Variants in NRXN1 observed in about 807,000 individuals in gnomAD.
The protein encoded by NRXN1 is neurexin-1.
NRXN1 carries 39 observed loss-of-function variants against 150.9 expected under a neutral mutation model. The ratio of observed to expected loss-of-function variants is 0.26; its 90% CI spans 0.20 to 0.34. NRXN1 has a LOEUF of 0.34. Among genes scored for constraint, NRXN1 ranks in the 10% least tolerant of loss-of-function variants. The pLI is 1.00. For synonymous variants in NRXN1, 924 were observed against 757.0 expected, an observed-to-expected ratio of 1.22 and a Z score of -3.62; for missense variants, 1,815 against 1,949.9, an observed-to-expected ratio of 0.93 and a Z score of 1.30.
chr2:50,248,622 C>T (rs1448294524), intron 17 of NRXN1, among the ~76,000 whole-genome samples: 1 of 152,140 alleles, frequency 6.6e-6, no homozygotes, highest in Non-Finnish European at 1.5e-5. Flanking sequence ...AGACAGACAA[C>T]TTATTCATTC....
intron 5 of NRXN1, among the ~76,000 whole-genome samples, chr2:50,810,948 C>A (rs764707684): frequency 4.6e-5 from 7 of 151,700 alleles, no homozygotes; most frequent in Non-Finnish European, 1.0e-4. Context: ...CCACTGCACT[C>A]CAGCCTGGTG....
chr2:50,472,249 G>C (rs773460657), intron 16 of NRXN1, 49 bp downstream of exon 16: 1 of 1,445,150 alleles, frequency 6.9e-7, no homozygotes, highest in Non-Finnish European at 9.2e-7. Flanking sequence ...CTCTCAGTTA[G>C]ACAGGTGGAA....
At chr2:50,537,261 T>C (rs985926642) in intron 10 of NRXN1, among the ~76,000 whole-genome samples, 1 of 152,206 alleles carries the variant, frequency 6.6e-6, no homozygotes, top group East Asian at 1.9e-4. Flanking sequence ...GCTAAATATG[T>C]AATAAAGCAA....
At chr2:50,980,937 T>C (rs1306118396) in intron 2 of NRXN1, among the ~76,000 whole-genome samples, 1 of 152,092 alleles carries the variant, frequency 6.6e-6, no homozygotes, top group African/African-American at 2.4e-5. Context: ...TTTAACACTT[T>C]AGGGCAACAA....
chr2:50,000,137 C>A (rs181923564), intron 21 of NRXN1, among the ~76,000 whole-genome samples: 6 of 152,234 alleles, frequency 3.9e-5, no homozygotes, highest in Non-Finnish European at 7.4e-5. Flanking sequence ...ATATGATGAA[C>A]TAATATGCAC....
intron 5 of NRXN1, among the ~76,000 whole-genome samples, chr2:50,839,249 C>T (rs1672525867): frequency 6.6e-6 from 1 of 152,030 alleles, no homozygotes; most frequent in Admixed American, 6.6e-5. Context: ...AATTGAAATT[C>T]TTATTAACTT....
At chr2:50,479,221 C>G (rs2090242901) in intron 15 of NRXN1, among the ~76,000 whole-genome samples, 1 of 152,214 alleles carries the variant, frequency 6.6e-6, no homozygotes, top group African/African-American at 2.4e-5. Flanking sequence ...GACCTTTAGT[C>G]AAACTTTGTT....
At chr2:50,065,289 C>T (rs1402331443) in intron 19 of NRXN1, among the ~76,000 whole-genome samples, 1 of 152,058 alleles carries the variant, frequency 6.6e-6, no homozygotes, top group Non-Finnish European at 1.5e-5. Context: ...AAAACTAATG[C>T]TGCATCATAC....
chr2:50,596,941 G>A (rs989312296), intron 8 of NRXN1, among the ~76,000 whole-genome samples: 12 of 143,142 alleles, frequency 8.4e-5, no homozygotes, highest in East Asian at 2.1e-4. Flanking sequence ...ATCACAGTGC[G>A]GTATAACCTC....
At chr2:50,397,019 C>T (rs188300424) in intron 17 of NRXN1, among the ~76,000 whole-genome samples, 3 of 152,124 alleles carry the variant, frequency 2.0e-5, no homozygotes, top group Non-Finnish European at 2.9e-5. Flanking sequence ...AGAAGCAGCA[C>T]GTTCCACTCC....
At chr2:50,623,674 G>A in intron 5 of NRXN1, 59 bp from the exon 6 acceptor site, 1 of 1,254,264 alleles carries the variant, frequency 8.0e-7, no homozygotes, top group East Asian at 2.4e-5. Flanking sequence ...AAATCAGCAG[G>A]TCTTAACAGA....
At chr2:50,215,068 T>C (rs1197158522) in intron 18 of NRXN1, among the ~76,000 whole-genome samples, 4 of 151,988 alleles carry the variant, frequency 2.6e-5, no homozygotes, top group Non-Finnish European at 5.9e-5. Flanking sequence ...TTAGATAATA[T>C]GTTATTTATC....
At chr2:50,201,803 C>T (rs930545987) in intron 18 of NRXN1, among the ~76,000 whole-genome samples, 1 of 152,186 alleles carries the variant, frequency 6.6e-6, no homozygotes, top group Non-Finnish European at 1.5e-5. Flanking sequence ...TGGCTATAGA[C>T]AGCCAAAGGC....
intron 2 of NRXN1, among the ~76,000 whole-genome samples, chr2:51,014,413 A>C (rs765607300): frequency 5.9e-5 from 9 of 152,212 alleles, no homozygotes; most frequent in Non-Finnish European, 1.0e-4. Context: ...GAAGACATAA[A>C]AAAATTAATT....
chr2:51,003,994 G>C (rs182137295), intron 2 of NRXN1, among the ~76,000 whole-genome samples: 1 of 151,556 alleles, frequency 6.6e-6, no homozygotes, highest in African/African-American at 2.4e-5. Context: ...GAATGCCTTC[G>C]CTCTTTATCC....
chr2:50,002,800 T>G (rs1438535789), intron 21 of NRXN1, among the ~76,000 whole-genome samples: 2 of 152,090 alleles, frequency 1.3e-5, no homozygotes, highest in Non-Finnish European at 2.9e-5. Flanking sequence ...ATGATAAAGA[T>G]GAGCCAGCTC....
chr2:50,227,151 C>T (rs1574606911), intron 18 of NRXN1, among the ~76,000 whole-genome samples: 1 of 123,326 alleles, frequency 8.1e-6, no homozygotes, highest in Non-Finnish European at 1.7e-5. Context: ...TGCAAGAGTA[C>T]ACAAAGACGG....
intron 21 of NRXN1, among the ~76,000 whole-genome samples, chr2:50,027,430 G>A (rs573909643): frequency 3.5e-5 from 4 of 113,158 alleles, no homozygotes; most frequent in Admixed American, 1.1e-4. Flanking sequence ...CCCTTCCTCC[G>A]TTCTTTCCTT....
intron 9 of NRXN1, among the ~76,000 whole-genome samples, chr2:50,541,188 A>G (rs955224809): frequency 1.3e-5 from 2 of 152,198 alleles, no homozygotes; most frequent in African/African-American, 2.4e-5. Flanking sequence ...ATAAACATAT[A>G]TGTATGTATG....
Sources: gnomAD v4.1 joint callset for allele counts (sites outside exome capture counted in the v4.1 genomes callset) on GRCh38, gnomAD v4.1.1 for gene constraint, MANE v1.5 for transcripts, NCBI Gene and HGNC (gene_info 2026-07-23, HGNC 2026-07-21) for gene names.